Variants in NSMCE1 observed in about 807,000 individuals in gnomAD.
NSMCE1 encodes NSE1 component of SMC5/6 complex.
Under a neutral mutation model 29.6 loss-of-function variants are expected in NSMCE1, and 18 were observed. The ratio of observed to expected loss-of-function variants is 0.61; its 90% CI spans 0.42 to 0.90. The LOEUF (loss-of-function observed/expected upper bound fraction) is 0.90. Among genes scored for constraint, NSMCE1 ranks in the 40% least tolerant of loss-of-function variants. The pLI, the probability that NSMCE1 is intolerant of heterozygous loss-of-function variation, is 0.00. For synonymous variants in NSMCE1, 124 were observed against 133.4 expected (o/e 0.93, Z 0.49); for missense variants, 314 against 343.6 (o/e 0.91, Z 0.68).
chr16:27,262,670 G>A (rs1425108083), intron 1 of NSMCE1, among the ~76,000 whole-genome samples: 1 of 152,096 alleles, frequency 6.6e-6, no homozygotes, highest in South Asian at 2.1e-4. Flanking sequence ...TACCATCCTG[G>A]ACACAGGAAC....
At chr16:27,254,663 G>A (rs2084066679) in intron 2 of NSMCE1, among the ~76,000 whole-genome samples, 1 of 152,084 alleles carries the variant, frequency 6.6e-6, no homozygotes, top group Non-Finnish European at 1.5e-5. Flanking sequence ...TCAGCTCACT[G>A]CAACCCCCAC....
intron 1 of NSMCE1, among the ~76,000 whole-genome samples, chr16:27,261,413 G>A (rs1330707612): frequency 1.3e-5 from 2 of 151,416 alleles, no homozygotes; most frequent in Non-Finnish European, 2.9e-5. Context: ...CTGCAAATGA[G>A]ACAAATATCT....
intron 6 of NSMCE1, chr16:27,226,281 T>C: frequency 4.8e-6 from 1 of 207,784 alleles, no homozygotes; most frequent in Non-Finnish European, 9.8e-6. Flanking sequence ...CAATTGCAAT[T>C]ACAAACAGCT....
Position 27,267,315 on chromosome 16 carries a change from C to T in NSMCE1, c.-12+1391G>A, listed in dbSNP as rs116942558. Among the ~76,000 whole-genome samples, 578 of 152,240 alleles carry T rather than the reference C, an allele frequency of 3.8e-3. 1 individual carries two copies. Among genetic ancestry groups the T allele is most frequent in the Non-Finnish European group, 6.2e-3 (424 of 68,016 alleles). On this transcript the variant is annotated intron_variant, in intron 1 of 7. Transcript: ENST00000361439. Reference sequence around the variant, plus strand: ...CTCAGTCATACCATTCGTGCGGGTGCTAACACAATTCTAGTGCTTCACATG... The same window carrying T: ...CTCAGTCATACCATTCGTGCGGGTGTTAACACAATTCTAGTGCTTCACATG...
intron 1 of NSMCE1, among the ~76,000 whole-genome samples, chr16:27,260,715 T>C (rs1441692518): frequency 6.6e-6 from 1 of 151,812 alleles, no homozygotes; most frequent in Admixed American, 6.6e-5. Flanking sequence ...AAAAATTAGC[T>C]GGGCATAGTG....
At chr16:27,245,364 C>T (rs2083944545) in intron 2 of NSMCE1, among the ~76,000 whole-genome samples, 1 of 152,244 alleles carries the variant, frequency 6.6e-6, no homozygotes, top group Non-Finnish European at 1.5e-5. Context: ...CCAGTACTTC[C>T]ACGCATCAGC....
At chr16:27,231,510 G>A (rs2083761903) in intron 5 of NSMCE1, among the ~76,000 whole-genome samples, 1 of 152,174 alleles carries the variant, frequency 6.6e-6, no homozygotes, top group African/African-American at 2.4e-5. Context: ...GATGGCGCAT[G>A]CTTGTGATTC....
chr16:27,235,383 T>C, intron 2 of NSMCE1, 84 bp from the exon 3 acceptor site: 2 of 1,515,342 alleles, frequency 1.3e-6, no homozygotes, highest in Admixed American at 3.6e-5. Context: ...TTCCATCCCA[T>C]CTCAACGCAG....
In NSMCE1 at chr16:27,226,851, A is replaced by T; in HGVS notation, c.484-15T>A. The T allele has an allele frequency of 6.4e-7, 1 of 1,550,582 alleles. No individual in the cohort carries two copies. On this transcript the variant is annotated splice_polypyrimidine_tract_variant and intron_variant, in intron 5 of 7. Transcript: ENST00000361439. ...TCCCCTTCCTTCTGCAGGGACACAC[A>T]GGAGGTGGCCACCCTCAGCCAGGCC...
At chr16:27,268,086 G>A (rs1207653562) in intron 1 of NSMCE1, 1 of 152,114 alleles carries the variant, frequency 6.6e-6, no homozygotes, top group African/African-American at 2.4e-5. Context: ...CTGTGGAAAG[G>A]GTCGTGTATT....
chr16:27,234,774 G>A (rs1421486928), intron 3 of NSMCE1, among the ~76,000 whole-genome samples: 1 of 152,214 alleles, frequency 6.6e-6, no homozygotes, highest in Non-Finnish European at 1.5e-5. Flanking sequence ...GATGGGGCAT[G>A]TCAGCTTCCC....
intron 2 of NSMCE1, among the ~76,000 whole-genome samples, chr16:27,244,016 T>C (rs1424656093): frequency 1.3e-5 from 2 of 152,230 alleles, no homozygotes; most frequent in African/African-American, 4.8e-5. Flanking sequence ...TATGTACTTC[T>C]AACCAATCAC....
chr16:27,268,718 G>C lies in NSMCE1; in HGVS notation c.-24C>G, dbSNP rs1047770991. On this transcript the variant is annotated 5_prime_UTR_variant, in exon 1 of 8. Transcript: ENST00000361439. Reference sequence around the variant, plus strand: ...CCACGTTACCCACCAGGGAGCCCAAGCGCATCCCAGGCCGCGCTAGCGGAT... The same window carrying C: ...CCACGTTACCCACCAGGGAGCCCAACCGCATCCCAGGCCGCGCTAGCGGAT... The C allele has an allele frequency of 6.5e-6, 1 of 152,920 alleles. No homozygotes were observed. Among genetic ancestry groups the C allele is most frequent in the East Asian group, 1.9e-4 (1 of 5,172 alleles). The allele number at this position is 152,920 out of a possible 1,614,324, so 9.5% of individuals were successfully genotyped here. A position where few individuals can be genotyped will look rare whatever the true frequency, so the allele number is the denominator to read the frequency against.
intron 2 of NSMCE1, among the ~76,000 whole-genome samples, chr16:27,255,041 G>A (rs1371025540): frequency 2.6e-5 from 4 of 151,538 alleles, no homozygotes; most frequent in East Asian, 1.9e-4. Flanking sequence ...CACCACACCC[G>A]GCTAATTTTT....
chr16:27,259,273 C>T (rs1282329039), intron 1 of NSMCE1, among the ~76,000 whole-genome samples: 1 of 152,072 alleles, frequency 6.6e-6, no homozygotes, highest in Admixed American at 6.6e-5. Context: ...CGGTGCAGTC[C>T]ACACAATCAT....
chr16:27,225,909 G>A (rs1178316136), intron 6 of NSMCE1, 63 bp from the exon 7 acceptor site: 44 of 1,597,866 alleles, frequency 2.8e-5, no homozygotes, highest in South Asian at 6.6e-5. Flanking sequence ...GCAAACCTCC[G>A]GGGAAGCCAC....
intron 2 of NSMCE1, among the ~76,000 whole-genome samples, chr16:27,248,446 C>T (rs1177398968): frequency 8.1e-6 from 1 of 123,188 alleles, no homozygotes; most frequent in Non-Finnish European, 1.6e-5. Flanking sequence ...GAGTGTTGCT[C>T]TCTCCCCAGG....
intron 1 of NSMCE1, among the ~76,000 whole-genome samples, chr16:27,260,202 G>A (rs2141010613): frequency 6.6e-6 from 1 of 152,256 alleles, no homozygotes; most frequent in South Asian, 2.1e-4. Flanking sequence ...TAAAAAGAAT[G>A]AGGTTTTTAA....
chr16:27,251,166 A>ATG (rs2084025443), intron 2 of NSMCE1, among the ~76,000 whole-genome samples: 1 of 63,938 alleles, frequency 1.6e-5, no homozygotes. Context: ...TAAAATATAT[A>ATG]TATATATATA....
Sources: gnomAD v4.1 joint callset for allele counts (sites outside exome capture counted in the v4.1 genomes callset) on GRCh38, gnomAD v4.1.1 for gene constraint, MANE v1.5 for transcripts, NCBI Gene and HGNC (gene_info 2026-07-23, HGNC 2026-07-21) for gene names.